VPS13B: variants seen among roughly 807,000 people sequenced by gnomAD.
VPS13B encodes intermembrane lipid transfer protein VPS13B.
A neutral mutation model predicts 426.4 loss-of-function variants in VPS13B; 285 were observed. The observed-to-expected ratio is 0.67, with a 90% CI of 0.61 to 0.74. The LOEUF (loss-of-function observed/expected upper bound fraction) is 0.74. Ranked by LOEUF, VPS13B falls within the 30% of genes least tolerant of loss-of-function variation. VPS13B has a pLI of 0.00. For synonymous variants in VPS13B, 1,676 were observed against 1,676.4 expected (o/e 1.00, Z 0.01); for missense variants, 4,537 against 4,782.6 (o/e 0.95, Z 1.51).
chr8:99,283,342 C>T lies in VPS13B; in HGVS notation c.2824+8088C>T, dbSNP rs559232303. Among the ~76,000 whole-genome samples, 14 of 152,272 alleles carry T rather than the reference C, an allele frequency of 9.2e-5. 1 individual carries two copies. Among genetic ancestry groups the T allele is most frequent in the African/African-American group, 2.4e-4 (10 of 41,556 alleles). On this transcript the variant is annotated intron_variant, in intron 19 of 61. Coordinates refer to ENST00000357162, the MANE Select transcript of VPS13B (RefSeq NM_152564.5). The stretch of plus-strand genomic sequence containing the variant: ...ACATTTCCTCTTTCCTCCCTGAGGA[C>T]GTTACTATGTATTTTATCTGTAATT...
chr8:99,523,351 C>T (rs569766480), intron 30 of VPS13B, among the ~76,000 whole-genome samples: 2 of 152,186 alleles, frequency 1.3e-5, no homozygotes, highest in East Asian at 3.9e-4. Context: ...TTGCTGAGCC[C>T]TAGGGCCTTG....
intron 12 of VPS13B, among the ~76,000 whole-genome samples, chr8:99,141,735 ATG>A (rs1588082329): frequency 6.6e-6 from 1 of 152,070 alleles, no homozygotes; most frequent in African/African-American, 2.4e-5. Context: ...GGTTAAAAAT[ATG>A]TGAGTAATAA....
At chr8:99,179,161 G>A (rs1323621769) in intron 16 of VPS13B, among the ~76,000 whole-genome samples, 2 of 151,956 alleles carry the variant, frequency 1.3e-5, no homozygotes, top group Admixed American at 6.5e-5. Flanking sequence ...CTGTTGTGTT[G>A]TAGGCCTTGG....
chr8:99,059,730 C>CTTTTT (rs34620587), intron 3 of VPS13B, among the ~76,000 whole-genome samples: 4 of 110,172 alleles, frequency 3.6e-5, no homozygotes, highest in Non-Finnish European at 7.0e-5. Flanking sequence ...TTAGCTTCTG[C>CTTTTT]TTTTTTTTTT....
At chr8:99,773,208 T>C (rs1042615942) in intron 40 of VPS13B, among the ~76,000 whole-genome samples, 5 of 152,178 alleles carry the variant, frequency 3.3e-5, no homozygotes, top group Non-Finnish European at 7.3e-5. Context: ...CTTAGCCAGG[T>C]GAAATAACTT....
At chr8:99,595,487 C>A (rs1370159897) in intron 33 of VPS13B, among the ~76,000 whole-genome samples, 1 of 151,638 alleles carries the variant, frequency 6.6e-6, no homozygotes. Flanking sequence ...GATCAAAGAC[C>A]TAAATATAAA....
At position 99,590,233 on chromosome 8, in the gene VPS13B, T is replaced by C. The variant is rs1186913011; in HGVS notation, c.5220+12600T>C. Among the ~76,000 whole-genome samples the C allele has an allele frequency of 6.6e-5, 10 of 152,276 alleles. No individual in the cohort carries two copies. In the East Asian group the frequency reaches 1.9e-3, roughly 29 times the overall value. ...ATCTATTTGATTCTTCTCTCTTTTC[T>C]TTATTAGTCTTGCTAGCAGTCTATC... is the stretch of plus-strand genomic sequence containing the variant. On this transcript the variant is annotated intron_variant, in intron 33 of 61. Coordinates refer to ENST00000357162, the MANE Select transcript of VPS13B (RefSeq NM_152564.5).
chr8:99,419,662 G>T (rs1304244880), intron 21 of VPS13B, among the ~76,000 whole-genome samples: 2 of 152,074 alleles, frequency 1.3e-5, no homozygotes, highest in African/African-American at 4.8e-5. Flanking sequence ...AATTGACAAT[G>T]ATTTTCTTCT....
chr8:99,123,527 G>T (rs889261181), intron 8 of VPS13B, among the ~76,000 whole-genome samples: 1 of 152,050 alleles, frequency 6.6e-6, no homozygotes, highest in Non-Finnish European at 1.5e-5. Flanking sequence ...GTTTTTAGAA[G>T]AATTATATGA....
chr8:99,028,170 CT>C (rs1842235530), intron 2 of VPS13B, among the ~76,000 whole-genome samples: 1 of 152,080 alleles, frequency 6.6e-6, no homozygotes, highest in Non-Finnish European at 1.5e-5. Flanking sequence ...CCCTTCCCGC[CT>C]TTCTATTCCA....
intron 56 of VPS13B, among the ~76,000 whole-genome samples, chr8:99,854,530 T>C (rs977539776): frequency 2.0e-5 from 3 of 152,164 alleles, no homozygotes; most frequent in Non-Finnish European, 4.4e-5. Flanking sequence ...GTACGTGAGG[T>C]ACCCAGCATT....
At chr8:99,714,021 T>G (rs1211177539) in intron 36 of VPS13B, among the ~76,000 whole-genome samples, 1 of 151,094 alleles carries the variant, frequency 6.6e-6, no homozygotes, top group Non-Finnish European at 1.5e-5. Context: ...GTGCCTGTAA[T>G]CCAAGCTGTT....
chr8:99,173,982 A>G (rs1001770930), intron 16 of VPS13B, among the ~76,000 whole-genome samples: 2 of 152,198 alleles, frequency 1.3e-5, no homozygotes, highest in Non-Finnish European at 2.9e-5. Flanking sequence ...GTACATTCAC[A>G]TTGTTGTGCA....
At chr8:99,211,884 T>G (rs908578875) in intron 17 of VPS13B, among the ~76,000 whole-genome samples, 1 of 152,200 alleles carries the variant, frequency 6.6e-6, no homozygotes, top group African/African-American at 2.4e-5. Flanking sequence ...TTGTGCAATT[T>G]TATTTTTTTA....
At chr8:99,540,051 A>T (rs1563785078) in intron 30 of VPS13B, among the ~76,000 whole-genome samples, 8 of 5,496 alleles carry the variant, frequency 1.5e-3, no homozygotes, top group African/African-American at 1.9e-3. Context: ...ATATATATAT[A>T]TATATATATA....
chr8:99,149,531 A>C (rs936694243), intron 14 of VPS13B, among the ~76,000 whole-genome samples: 1 of 151,894 alleles, frequency 6.6e-6, no homozygotes, highest in Non-Finnish European at 1.5e-5. Flanking sequence ...TTGGTCAGGC[A>C]GGTCTTGAAC....
intron 40 of VPS13B, among the ~76,000 whole-genome samples, chr8:99,767,493 CAAAAAAAAAAAAAA>C (rs869220303): frequency 2.4e-4 from 8 of 33,318 alleles, no homozygotes; most frequent in South Asian, 3.4e-3. Flanking sequence ...GCAACTCTCT[CAAAAAAAAAAAAAA>C]AAAAAAAAAA....
rs1817212364 is a variant in VPS13B at position 99,868,412 on chromosome 8, T to C, written c.11339T>C (p.Val3780Ala). Residue 3780 changes from valine to alanine, a missense_variant, in exon 59 of 62, where the codon GTG becomes GCG. Coordinates refer to ENST00000357162, the MANE Select transcript of VPS13B (RefSeq NM_152564.5). Reference protein sequence around the residue: ...ISGVGKGIMGVFTKPIGGAAE... With the variant: ...ISGVGKGIMGAFTKPIGGAAE... ...GGTGTGGGGAAAGGAATCATGGGGGTGTTCACAAAGCCCATCGGAGGAGCT... is the reference window on the plus strand; with the variant it reads ...GGTGTGGGGAAAGGAATCATGGGGGCGTTCACAAAGCCCATCGGAGGAGCT... The C allele has an allele frequency of 6.2e-7, 1 of 1,613,780 alleles. No homozygotes were observed.
At chr8:99,357,037 A>C (rs889457016) in intron 19 of VPS13B, among the ~76,000 whole-genome samples, 1 of 152,214 alleles carries the variant, frequency 6.6e-6, no homozygotes. Context: ...GAAAACCCTG[A>C]AAAAATAAAG....
Sources: gnomAD v4.1 joint callset for allele counts (sites outside exome capture counted in the v4.1 genomes callset) on GRCh38, gnomAD v4.1.1 for gene constraint, MANE v1.5 for transcripts, NCBI Gene and HGNC (gene_info 2026-07-23, HGNC 2026-07-21) for gene names.